The following CNBD1 variants were observed in gnomAD, a reference collection of about 807,000 sequenced individuals.
CNBD1 encodes cyclic nucleotide binding domain containing 1, also known as cyclic nucleotide-binding domain-containing protein 1.
In CNBD1, 71 loss-of-function variants were observed where a neutral mutation model predicts 54.4. That is an observed-to-expected ratio of 1.30 (90% CI 1.08 to 1.59). The LOEUF (loss-of-function observed/expected upper bound fraction) is 1.59, where lower values mean the gene tolerates loss of function less well. Ranked by LOEUF, CNBD1 falls within the 40% of genes most tolerant of loss-of-function variation. The pLI, the probability that CNBD1 is intolerant of heterozygous loss-of-function variation, is 0.00. For synonymous variants in CNBD1, 182 were observed against 170.7 expected (o/e 1.07, Z -0.51); for missense variants, 659 against 518.0 (o/e 1.27, Z -2.64).
intron 4 of CNBD1, among the ~76,000 whole-genome samples, chr8:86,951,885 C>T (rs1807634980): frequency 6.6e-6 from 1 of 152,116 alleles, no homozygotes; most frequent in Non-Finnish European, 1.5e-5. Context: ...AAACCTGCTC[C>T]ACTGTATTCC....
intron 2 of CNBD1, among the ~76,000 whole-genome samples, chr8:87,416,139 TCAAAC>T (rs964046208): frequency 2.6e-5 from 4 of 151,948 alleles, no homozygotes; most frequent in Non-Finnish European, 4.4e-5. Context: ...CAATATATCT[TCAAAC>T]CAGATAAAGC....
At chr8:87,005,793 G>A (rs2130552138) in intron 4 of CNBD1, among the ~76,000 whole-genome samples, 1 of 152,128 alleles carries the variant, frequency 6.6e-6, no homozygotes, top group South Asian at 2.1e-4. Context: ...AGGGATGAGG[G>A]CCTGTGTGAT....
chr8:87,327,477 C>G (rs1219256710), intron 8 of CNBD1, among the ~76,000 whole-genome samples: 1 of 152,314 alleles, frequency 6.6e-6, no homozygotes, highest in East Asian at 1.9e-4. Context: ...GTAGGATACT[C>G]CGAACCAGGT....
chr8:87,098,809 G>A (rs574582350), intron 4 of CNBD1, among the ~76,000 whole-genome samples: 30 of 151,162 alleles, frequency 2.0e-4, no homozygotes, highest in African/African-American at 7.0e-4. Context: ...AGGCCGAGGC[G>A]GGTGGATCAT....
At chr8:87,263,562 G>A (rs1043227443) in intron 6 of CNBD1, among the ~76,000 whole-genome samples, 5 of 152,032 alleles carry the variant, frequency 3.3e-5, no homozygotes, top group East Asian at 3.9e-4. Context: ...TTTTCAAAGC[G>A]TTTACATTAT....
chr8:87,422,983 C>G (rs1208778046), intron 2 of CNBD1, among the ~76,000 whole-genome samples: 6 of 151,746 alleles, frequency 4.0e-5, no homozygotes, highest in Non-Finnish European at 8.8e-5. Context: ...TTGAAGAGGT[C>G]CTTCACATCC....
chr8:87,141,424 G>T (rs1812367521), intron 4 of CNBD1, among the ~76,000 whole-genome samples: 2 of 152,018 alleles, frequency 1.3e-5, no homozygotes, highest in African/African-American at 2.4e-5. Context: ...ATTATAAAAG[G>T]TTAGTTCAAT....
intron 8 of CNBD1, among the ~76,000 whole-genome samples, chr8:87,297,117 G>T (rs1481959502): frequency 1.4e-5 from 2 of 144,308 alleles, no homozygotes; most frequent in Admixed American, 7.1e-5. Flanking sequence ...GGTGGAGCTT[G>T]CAGTGAGCCG....
At chr8:86,874,396 T>C (rs1808484763) in intron 1 of CNBD1, among the ~76,000 whole-genome samples, 1 of 152,204 alleles carries the variant, frequency 6.6e-6, no homozygotes, top group Non-Finnish European at 1.5e-5. Flanking sequence ...TTATTTCATG[T>C]TCTCCTTCCA....
chr8:86,932,333 T>C (rs890421423), intron 3 of CNBD1, among the ~76,000 whole-genome samples: 2 of 152,112 alleles, frequency 1.3e-5, no homozygotes, highest in Non-Finnish European at 2.9e-5. Context: ...CCCCTCCCCC[T>C]ACAGCTTGAA....
intron 4 of CNBD1, among the ~76,000 whole-genome samples, chr8:87,148,592 C>T (rs1056941780): frequency 1.3e-5 from 2 of 152,040 alleles, no homozygotes; most frequent in Non-Finnish European, 2.9e-5. Flanking sequence ...CATAGACTAA[C>T]GTGCTGTGAT....
intron 4 of CNBD1, among the ~76,000 whole-genome samples, chr8:87,136,344 C>T (rs577491513): frequency 1.2e-4 from 18 of 150,356 alleles, no homozygotes; most frequent in Admixed American, 1.1e-3. Flanking sequence ...GGTATGATTC[C>T]TTGAATAACA....
intron 10 of CNBD1, among the ~76,000 whole-genome samples, chr8:87,362,674 G>A (rs1810547557): frequency 1.3e-5 from 2 of 152,052 alleles, no homozygotes; most frequent in South Asian, 2.1e-4. Flanking sequence ...TTTTAGTAAT[G>A]GAATCTTTAA....
At chr8:87,376,105 T>A (rs1810925560) in intron 10 of CNBD1, among the ~76,000 whole-genome samples, 1 of 151,956 alleles carries the variant, frequency 6.6e-6, no homozygotes, top group Non-Finnish European at 1.5e-5. Context: ...TATCACTTAC[T>A]GTAGACTGTG....
At chr8:87,215,333 G>A (rs1814186091) in intron 5 of CNBD1, among the ~76,000 whole-genome samples, 1 of 151,996 alleles carries the variant, frequency 6.6e-6, no homozygotes, top group Admixed American at 6.6e-5. Flanking sequence ...ATGAGGTAAG[G>A]GACATTATTG....
At chr8:86,954,012 A>G (rs578215012) in intron 4 of CNBD1, among the ~76,000 whole-genome samples, 1 of 152,334 alleles carries the variant, frequency 6.6e-6, no homozygotes, top group South Asian at 2.1e-4. Context: ...AACACACTTA[A>G]TAGGATTTCA....
chr8:87,231,567 C>T (rs982440982), intron 5 of CNBD1, among the ~76,000 whole-genome samples: 2 of 152,142 alleles, frequency 1.3e-5, no homozygotes, highest in Admixed American at 6.5e-5. Context: ...AATAGTGTCT[C>T]TCATATAATA....
At position 87,159,009 on chromosome 8, in the gene CNBD1, A is replaced by G. The variant is rs1343692735; in HGVS notation, c.432-46984A>G. Among the ~76,000 whole-genome samples the G allele has an allele frequency of 4.6e-5, 7 of 152,246 alleles. No individual in the cohort carries two copies. The East Asian group carries it at 1.2e-3, about 25-fold the overall frequency. On this transcript the variant is annotated intron_variant, in intron 4 of 10. Transcript: ENST00000518476. ...AATTTGAGGAAGGCTTATGGAATCC[A>G]TTATTTATTTCATTTTTTTGTAAGA...
chr8:87,271,193 C>G (rs145617400), intron 6 of CNBD1, among the ~76,000 whole-genome samples: 3 of 151,476 alleles, frequency 2.0e-5, no homozygotes, highest in Non-Finnish European at 4.4e-5. Flanking sequence ...GGTTTCTCTA[C>G]TTTGTTTATC....
Sources: allele counts gnomAD v4.1 joint callset (sites outside exome capture counted in the v4.1 genomes callset), GRCh38; gene constraint gnomAD v4.1.1; transcripts MANE v1.5; gene names NCBI Gene and HGNC (gene_info 2026-07-23, HGNC 2026-07-21).